Variants in BMAL1 observed in about 807,000 individuals in gnomAD.
The protein encoded by BMAL1 is basic helix-loop-helix ARNT-like protein 1.
At chr11:13,326,189 C>G in the BMAL1 span, among the ~76,000 whole-genome samples, 1 of 141,836 alleles carries the variant, frequency 7.1e-6, no homozygotes, top group Non-Finnish European at 1.6e-5. Context: ...GGCAACAGAG[C>G]AAGACTCTGT....
At chr11:13,346,470 C>T in the BMAL1 span, among the ~76,000 whole-genome samples, 3 of 152,322 alleles carry the variant, frequency 2.0e-5, no homozygotes, top group South Asian at 4.1e-4. Context: ...CAGGGTTCAG[C>T]TTCACCCTGC....
At chr11:13,293,502 T>C in the BMAL1 span, among the ~76,000 whole-genome samples, 41,380 of 152,142 alleles carry the variant, frequency 0.27, 5,743 homozygotes, top group East Asian at 0.46. Context: ...ATGTGCACAG[T>C]GTCTGCCCAG....
At chr11:13,341,186 C>T in the BMAL1 span, among the ~76,000 whole-genome samples, 5 of 152,236 alleles carry the variant, frequency 3.3e-5, no homozygotes, top group Admixed American at 1.3e-4. Context: ...GAAGGTCCCA[C>T]GCCTGGCCAG....
At chr11:13,365,573 A>G in the BMAL1 span, 29 of 1,613,570 alleles carry the variant, frequency 1.8e-5, no homozygotes, top group Non-Finnish European at 2.3e-5. Flanking sequence ...TCTGTCTTCA[A>G]GATCCTCAAC....
At chr11:13,360,223 A>G in the BMAL1 span, 2 of 798,898 alleles carry the variant, frequency 2.5e-6, no homozygotes, top group African/African-American at 1.7e-5. Context: ...AGGCCTAAAC[A>G]ATAAAATTTA....
At chr11:13,344,988 G>A in the BMAL1 span, among the ~76,000 whole-genome samples, 1 of 152,342 alleles carries the variant, frequency 6.6e-6, no homozygotes, top group Admixed American at 6.5e-5. Flanking sequence ...AAGCACCCCT[G>A]CTGGGGATTC....
chr11:13,338,829 G>A, the BMAL1 span, among the ~76,000 whole-genome samples: 1 of 152,242 alleles, frequency 6.6e-6, no homozygotes, highest in Admixed American at 6.5e-5. Flanking sequence ...GACACGTCAG[G>A]GCAGGAACCA....
the BMAL1 span, chr11:13,386,961 A>C: frequency 4.2e-6 from 2 of 473,214 alleles, no homozygotes; most frequent in African/African-American, 2.0e-5. Flanking sequence ...GTGTTTCCTC[A>C]TCATTGATTA....
the BMAL1 span, among the ~76,000 whole-genome samples, chr11:13,299,335 C>A: frequency 1.3e-5 from 2 of 152,110 alleles, no homozygotes; most frequent in Non-Finnish European, 2.9e-5. Context: ...CCCATGTGTT[C>A]AGAGGTGGCT....
the BMAL1 span, chr11:13,374,238 T>TG: frequency 6.3e-7 from 1 of 1,581,050 alleles, no homozygotes; most frequent in African/African-American, 1.3e-5. Flanking sequence ...AAGTTGAAAG[T>TG]GTCCCCTTGC....
chr11:13,346,457 G>C, the BMAL1 span, among the ~76,000 whole-genome samples: 2 of 152,280 alleles, frequency 1.3e-5, 1 homozygote, highest in South Asian at 4.1e-4. Flanking sequence ...GTTTCTTAAG[G>C]GGCAGGGTTC....
At chr11:13,351,149 T>C in the BMAL1 span, among the ~76,000 whole-genome samples, 3 of 152,326 alleles carry the variant, frequency 2.0e-5, no homozygotes, top group South Asian at 6.2e-4. Flanking sequence ...TGGCAGGGTT[T>C]GCATTATGTG....
chr11:13,284,126 GTGTATATATATATATATGTGTA>G, the BMAL1 span, among the ~76,000 whole-genome samples: 7 of 98,604 alleles, frequency 7.1e-5, no homozygotes, highest in Admixed American at 4.4e-4. Context: ...ATATGTGTGT[GTGTATATATATATATATGTGTA>G]TATATATATA....
chr11:13,302,344 G>A, the BMAL1 span, among the ~76,000 whole-genome samples: 8 of 152,168 alleles, frequency 5.3e-5, no homozygotes, highest in South Asian at 2.1e-4. Flanking sequence ...CGTGTTCCTG[G>A]GGGATCATAG....
the BMAL1 span, chr11:13,360,512 A>G: frequency 3.2e-6 from 4 of 1,267,712 alleles, no homozygotes; most frequent in Non-Finnish European, 4.5e-6. Context: ...ATGTTTCAAC[A>G]CTGAGCTTTT....
the BMAL1 span, among the ~76,000 whole-genome samples, chr11:13,348,199 C>T: frequency 2.6e-5 from 4 of 152,226 alleles, no homozygotes; most frequent in African/African-American, 7.2e-5. Flanking sequence ...AAAGGAGCCA[C>T]ACCTGCAAGA....
At chr11:13,356,770 C>T in the BMAL1 span, 3 of 1,614,186 alleles carry the variant, frequency 1.9e-6, no homozygotes, top group Non-Finnish European at 2.5e-6. Context: ...AGATGACCCT[C>T]ATGGAAGGTA....
the BMAL1 span, among the ~76,000 whole-genome samples, chr11:13,368,362 A>G: frequency 4.6e-5 from 7 of 152,366 alleles, no homozygotes; most frequent in South Asian, 1.4e-3. Flanking sequence ...AACAAAGAGG[A>G]AACAATCTGT....
the BMAL1 span, among the ~76,000 whole-genome samples, chr11:13,323,941 A>T: frequency 6.6e-6 from 1 of 152,220 alleles, no homozygotes; most frequent in Non-Finnish European, 1.5e-5. Flanking sequence ...TAATTAACAC[A>T]TAATAATTGT....
Sources: allele counts gnomAD v4.1 joint callset (sites outside exome capture counted in the v4.1 genomes callset), GRCh38; gene constraint gnomAD v4.1.1; transcripts MANE v1.5; gene names NCBI Gene and HGNC (gene_info 2026-07-23, HGNC 2026-07-21).